The following RASA2 variants were observed in gnomAD, a reference collection of about 807,000 sequenced individuals.
RASA2 encodes the protein RAS p21 protein activator 2, also known as ras GTPase-activating protein 2.
In RASA2, 155 loss-of-function variants were observed where a neutral mutation model predicts 118.2. That is an observed-to-expected ratio of 1.31 (90% CI 1.15 to 1.50). The LOEUF (loss-of-function observed/expected upper bound fraction) is 1.50. Among genes scored for constraint, RASA2 ranks in the 40% most tolerant of loss-of-function variants. RASA2 has a pLI of 0.00. For missense variants in RASA2, 1,016 were observed against 1,009.6 expected, an observed-to-expected ratio of 1.01 and a Z score of -0.09; for synonymous variants, 353 against 349.1, an observed-to-expected ratio of 1.01 and a Z score of -0.12.
chr3:141,590,185 TATTA>T (rs1287280479), intron 19 of RASA2: 2 of 456,108 alleles, frequency 4.4e-6, no homozygotes, highest in Admixed American at 2.4e-5. Flanking sequence ...CCATTGATAA[TATTA>T]ATTGTTATAT....
At chr3:141,526,070 A>C (rs534017359) in intron 3 of RASA2, 4 of 152,320 alleles carry the variant, frequency 2.6e-5, no homozygotes, top group African/African-American at 9.6e-5. Flanking sequence ...TGGTTTCAAA[A>C]TCTGGCTGCA....
chr3:141,597,561 TACAA>T (rs775673429), intron 19 of RASA2, among the ~76,000 whole-genome samples: 3 of 152,172 alleles, frequency 2.0e-5, no homozygotes, highest in East Asian at 1.9e-4. Flanking sequence ...TCAGTAGAGT[TACAA>T]ACAAACCTTC....
chr3:141,578,110 A>C (rs1328548212), intron 15 of RASA2, among the ~76,000 whole-genome samples: 1 of 152,216 alleles, frequency 6.6e-6, no homozygotes, highest in Non-Finnish European at 1.5e-5. Context: ...TTTATGTGTT[A>C]ACTTATTTGG....
chr3:141,520,406 G>A (rs568565912), intron 3 of RASA2, among the ~76,000 whole-genome samples: 37 of 152,208 alleles, frequency 2.4e-4, no homozygotes, highest in Non-Finnish European at 5.9e-5. Flanking sequence ...GGTGATAGAA[G>A]CTGAGGATAT....
chr3:141,514,051 A>G (rs1013706340), intron 2 of RASA2, among the ~76,000 whole-genome samples: 7 of 152,188 alleles, frequency 4.6e-5, no homozygotes, highest in Non-Finnish European at 1.0e-4. Context: ...ACTAATTATA[A>G]AAGATGAAAA....
chr3:141,507,555 T>G (rs2081888064), intron 1 of RASA2, among the ~76,000 whole-genome samples: 1 of 152,196 alleles, frequency 6.6e-6, no homozygotes, highest in South Asian at 2.1e-4. Context: ...ATCAGGAGTC[T>G]ACTACTGTTA....
intron 3 of RASA2, among the ~76,000 whole-genome samples, chr3:141,518,465 A>G (rs1372823779): frequency 1.5e-5 from 2 of 136,316 alleles, no homozygotes; most frequent in African/African-American, 5.5e-5. Context: ...CCTCGGCAAC[A>G]GAGCAAGACA....
intron 3 of RASA2, among the ~76,000 whole-genome samples, chr3:141,521,459 T>G (rs2082109925): frequency 6.6e-6 from 1 of 152,206 alleles, no homozygotes; most frequent in South Asian, 2.1e-4. Flanking sequence ...CATCATACCT[T>G]AAGAAAAATG....
intron 5 of RASA2, among the ~76,000 whole-genome samples, chr3:141,542,729 G>A (rs752361452): frequency 3.3e-5 from 5 of 151,760 alleles, no homozygotes; most frequent in South Asian, 4.1e-4. Flanking sequence ...ACCAAGATAC[G>A]AAACTCTTCT....
chr3:141,556,021 G>T, intron 7 of RASA2, 109 bp downstream of exon 7: 1 of 834,842 alleles, frequency 1.2e-6, no homozygotes, highest in Non-Finnish European at 1.9e-6. Context: ...AATTAATGCA[G>T]ATAAGCATTT....
In RASA2 at chr3:141,599,356, A is replaced by G. The variant is rs2083427593; in HGVS notation, c.1934-8322A>G. On this transcript the variant is annotated intron_variant, in intron 19 of 23. Transcript: ENST00000286364. ...TTTGGGACTACAGTCAATGATTAGCAACACACAATAGTGTTCCAACTCTAA... is the reference window on the plus strand; with the variant it reads ...TTTGGGACTACAGTCAATGATTAGCGACACACAATAGTGTTCCAACTCTAA... 3.3e-5 allele frequency among the ~76,000 whole-genome samples: 5 copies of G among 152,040 alleles called. No individual in the cohort carries two copies. The South Asian group carries it at 1.0e-3, about 32-fold the overall frequency.
intron 12 of RASA2, among the ~76,000 whole-genome samples, 177 bp from the exon 13 acceptor site, chr3:141,572,970 A>G (rs543865769): frequency 2.0e-5 from 3 of 152,308 alleles, no homozygotes; most frequent in African/African-American, 7.2e-5. Context: ...ATATATGACA[A>G]ATACTTTTTG....
chr3:141,509,881 T>G (rs913033140), intron 1 of RASA2, among the ~76,000 whole-genome samples: 39 of 152,224 alleles, frequency 2.6e-4, no homozygotes, highest in African/African-American at 9.4e-4. Context: ...TTTAGGCAGT[T>G]AATTAAATTA....
Position 141,571,013 on chromosome 3 carries a change from C to T in RASA2, c.965C>T (p.Pro322Leu). ...NICYTEDYVL[P>L]SEYYGPLKTL... The stretch of plus-strand genomic sequence containing the variant: ...TGTTATACAGAAGACTACGTGCTTC[C>T]TTCAGAGTACTATGGTCCTTTGAAA... Residue 322 changes from proline (P) to leucine (L), a missense_variant, in exon 10 of 24, where the codon CCT becomes CTT. Physicochemically the swap from Pro to Leu is moderately conservative, Grantham distance 98. Coordinates refer to ENST00000286364, the MANE Select transcript of RASA2 (RefSeq NM_006506.5). 1 of 1,612,368 alleles carries T rather than the reference C, an allele frequency of 6.2e-7. No homozygotes were observed. Among genetic ancestry groups the T allele is most frequent in the Non-Finnish European group, 8.5e-7 (1 of 1,179,330 alleles).
Position 141,610,223 on chromosome 3 carries a change from T to C in RASA2, c.2519+157T>C, listed in dbSNP as rs2083616743. Among the ~76,000 whole-genome samples, 4 of 150,574 alleles carry C rather than the reference T, an allele frequency of 2.7e-5. No homozygotes were observed. In the South Asian group the frequency reaches 8.3e-4, roughly 31 times the overall value. Reference sequence around the variant, plus strand: ...TTTCCCTGGCCACTCCAAGTGCTCTTTGTGTTGTTCAGTTTAGCCATCATT... The same window carrying C: ...TTTCCCTGGCCACTCCAAGTGCTCTCTGTGTTGTTCAGTTTAGCCATCATT... On this transcript the variant is annotated intron_variant, in intron 23 of 23. Transcript: ENST00000286364.
chr3:141,506,750 A>G (rs940660485), intron 1 of RASA2, among the ~76,000 whole-genome samples: 1 of 152,010 alleles, frequency 6.6e-6, no homozygotes, highest in Non-Finnish European at 1.5e-5. Flanking sequence ...CTGCCTCTCC[A>G]TAAAATACAA....
rs774885577 is a variant in RASA2 at position 141,516,320 on chromosome 3, C to T, written c.252-8C>T. The T allele has an allele frequency of 6.5e-7, 1 of 1,532,730 alleles. No individual in the cohort carries two copies. The highest frequency in any genetic ancestry group is 1.3e-5 in the South Asian group (1 of 75,470). The allele number at this position is 1,532,730 out of a possible 1,614,324, so 94.9% of individuals were successfully genotyped here. A position where few individuals can be genotyped will look rare whatever the true frequency, so the allele number is the denominator to read the frequency against. On this transcript the variant is annotated splice_polypyrimidine_tract_variant and splice_region_variant and intron_variant, in intron 2 of 23. Transcript: ENST00000286364. ...ATTTGAAGTAATGAGCTTTCCTTTT[C>T]TTTCTAGCCCATTTTTCAGTGAAGA... is the stretch of plus-strand genomic sequence containing the variant.
intron 3 of RASA2, among the ~76,000 whole-genome samples, chr3:141,523,715 A>G (rs1487635208): frequency 6.6e-6 from 1 of 152,194 alleles, no homozygotes; most frequent in African/African-American, 2.4e-5. Flanking sequence ...TAAACTGACT[A>G]TCTTAGTAGA....
chr3:141,609,653 A>C, intron 22 of RASA2, 130 bp downstream of exon 22: 1 of 865,932 alleles, frequency 1.2e-6, no homozygotes, highest in East Asian at 2.9e-5. Context: ...AAAGTTGACA[A>C]ACCCACAGAG....
Sources: gnomAD v4.1 joint callset for allele counts (sites outside exome capture counted in the v4.1 genomes callset) on GRCh38, gnomAD v4.1.1 for gene constraint, MANE v1.5 for transcripts, NCBI Gene and HGNC (gene_info 2026-07-23, HGNC 2026-07-21) for gene names.